ITGA2: variants seen among roughly 807,000 people sequenced by gnomAD.
ITGA2 encodes the protein integrin subunit alpha 2.
A neutral mutation model predicts 146.3 loss-of-function variants in ITGA2; 101 were observed. The ratio of observed to expected loss-of-function variants is 0.69; its 90% CI spans 0.59 to 0.81. The LOEUF (loss-of-function observed/expected upper bound fraction) is 0.81, where lower values mean the gene tolerates loss of function less well. Among genes scored for constraint, ITGA2 ranks in the 40% least tolerant of loss-of-function variants. ITGA2 has a pLI of 0.00. For synonymous variants in ITGA2, 477 were observed against 487.1 expected, an observed-to-expected ratio of 0.98 and a Z score of 0.27; for missense variants, 1,281 against 1,402.7, an observed-to-expected ratio of 0.91 and a Z score of 1.39.
At chr5:52,998,790 T>C (rs1479949094) in intron 1 of ITGA2, among the ~76,000 whole-genome samples, 1 of 152,218 alleles carries the variant, frequency 6.6e-6, no homozygotes, top group Non-Finnish European at 1.5e-5. Context: ...CTTGGCACCA[T>C]TTTATTCAAT....
rs561244391 is a variant in ITGA2, at chr5:53,026,415, T to G, written c.65-333T>G. On this transcript the variant is annotated intron_variant, in intron 1 of 29. Coordinates refer to ENST00000296585, the MANE Select transcript of ITGA2 (RefSeq NM_002203.4). ...AGTTGTTTTAAGTCTTGTGTTCAAA[T>G]TTTGTCTTCATCCTTTCCTCTTTCC... Among the ~76,000 whole-genome samples the G allele has an allele frequency of 2.6e-5, 4 of 152,286 alleles. No homozygotes were observed. The South Asian group carries it at 8.3e-4, about 32-fold the overall frequency.
chr5:53,071,913 T>G, intron 17 of ITGA2, 25 bp from the exon 18 acceptor site: 1 of 1,516,282 alleles, frequency 6.6e-7, no homozygotes, highest in Non-Finnish European at 9.2e-7. Context: ...TCTCCCCCTG[T>G]ATGTTTGTGT....
At chr5:53,068,468 G>T (rs1400834316) in intron 16 of ITGA2, among the ~76,000 whole-genome samples, 2 of 151,792 alleles carry the variant, frequency 1.3e-5, no homozygotes, top group East Asian at 3.9e-4. Flanking sequence ...AGCTCTTCTG[G>T]CCCCGAAGCA....
chr5:53,058,935 C>T (rs972928917), intron 10 of ITGA2, among the ~76,000 whole-genome samples: 2 of 151,884 alleles, frequency 1.3e-5, no homozygotes, highest in Admixed American at 6.6e-5. Flanking sequence ...CGCTGAAGTC[C>T]TTTCATGCAC....
At chr5:53,045,136 C>T (rs1744013690) in intron 4 of ITGA2, 44 bp downstream of exon 4, 1 of 1,412,886 alleles carries the variant, frequency 7.1e-7, no homozygotes, top group Non-Finnish European at 1.0e-6. Flanking sequence ...CAAGAAAGTA[C>T]ATAGACAGTA....
At chr5:53,076,511 C>T (rs1362351277) in intron 23 of ITGA2, among the ~76,000 whole-genome samples, 1 of 152,036 alleles carries the variant, frequency 6.6e-6, no homozygotes, top group African/African-American at 2.4e-5. Context: ...TCAGTAACTG[C>T]AGACTTCAAA....
At chr5:53,022,393 T>C (rs1222542528) in intron 1 of ITGA2, among the ~76,000 whole-genome samples, 4 of 152,178 alleles carry the variant, frequency 2.6e-5, no homozygotes, top group African/African-American at 9.6e-5. Flanking sequence ...AAAAGTAGGT[T>C]AACTATATCA....
intron 3 of ITGA2, among the ~76,000 whole-genome samples, chr5:53,044,351 G>GAA (rs1394405844): frequency 6.9e-6 from 1 of 144,746 alleles, no homozygotes; most frequent in African/African-American, 2.6e-5. Flanking sequence ...ATAAGGGAAG[G>GAA]AATCCAATTA....
Position 53,093,712 on chromosome 5 carries a change from G to C in ITGA2, c.*3113G>C, listed in dbSNP as rs886060686. 6.6e-6 allele frequency: 1 copy of C among 152,320 alleles called. No individual in the cohort carries two copies. The highest frequency in any genetic ancestry group is 6.5e-5 in the Admixed American group (1 of 15,276). The allele number at this position is 152,320 out of a possible 1,614,324, so 9.4% of individuals were successfully genotyped here. ...ATTCAACAATATTTTTGCTTTAAAAGTAAGTAGAGGGCATAAAAGATGTCA... is the reference window on the plus strand; with the variant it reads ...ATTCAACAATATTTTTGCTTTAAAACTAAGTAGAGGGCATAAAAGATGTCA... On this transcript the variant is annotated 3_prime_UTR_variant, in exon 30 of 30. Coordinates refer to ENST00000296585, the MANE Select transcript of ITGA2 (RefSeq NM_002203.4).
intron 1 of ITGA2, among the ~76,000 whole-genome samples, chr5:53,002,563 G>T (rs1019388086): frequency 6.6e-6 from 1 of 152,016 alleles, no homozygotes; most frequent in Non-Finnish European, 1.5e-5. Context: ...TAACTTTAAT[G>T]CATCCTGCCA....
chr5:53,019,711 A>G (rs565735008), intron 1 of ITGA2, among the ~76,000 whole-genome samples: 59 of 151,978 alleles, frequency 3.9e-4, no homozygotes, highest in Non-Finnish European at 7.6e-4. Context: ...TTTTTAGTAG[A>G]GATGTGGTTT....
chr5:53,061,238 CT>C (rs1458335106), intron 12 of ITGA2, among the ~76,000 whole-genome samples, 192 bp downstream of exon 12: 1 of 151,876 alleles, frequency 6.6e-6, no homozygotes, highest in African/African-American at 2.4e-5. Context: ...CTTTTGACAA[CT>C]TACTGGGAAT....
chr5:53,074,386 T>C lies in ITGA2; in HGVS notation c.2573T>C (p.Val858Ala), dbSNP rs1227520282. 1 of 1,611,824 alleles carries C rather than the reference T, an allele frequency of 6.2e-7. No individual in the cohort carries two copies. Among genetic ancestry groups the C allele is most frequent in the East Asian group, 2.2e-5 (1 of 44,790 alleles). ...TGTTGTTTCCTTGGTCTTGTTCAGG[T>C]TGATGGGACAGAAGTAACATGCCAG... is the stretch of plus-strand genomic sequence containing the variant. ...NLFFASFSLP[V>A]DGTEVTCQVA... The change falls in exon 21 of 30, where the codon GTT becomes GCT. Residue 858 changes from valine (V) to alanine (A), a missense_variant and splice_region_variant. Coordinates refer to ENST00000296585, the MANE Select transcript of ITGA2 (RefSeq NM_002203.4).
chr5:53,057,501 A>G (rs1207634370), intron 9 of ITGA2, among the ~76,000 whole-genome samples: 1 of 151,898 alleles, frequency 6.6e-6, no homozygotes, highest in East Asian at 1.9e-4. Flanking sequence ...TAAAATTCCT[A>G]CTCAGTCTTG....
chr5:53,031,517 G>A (rs899215354), intron 2 of ITGA2, among the ~76,000 whole-genome samples: 1 of 152,122 alleles, frequency 6.6e-6, no homozygotes, highest in African/African-American at 2.4e-5. Context: ...TTTTAGCTCT[G>A]TCATGTGTGC....
rs917545444 is a variant in ITGA2, at chr5:53,048,661, A to T, written c.521A>T (p.Asp174Val). Residue 174 changes from aspartate (D) to valine (V), a missense_variant, in exon 6 of 30, where the codon GAT becomes GTT. Asp to Val is a radical substitution (Grantham distance 152, BLOSUM62 -3). This residue lies in a region of ITGA2 where 795 missense variants were observed against 841.7 expected (regional missense o/e 0.94). Transcript: ENST00000296585. ...PATQPCPSLI[D>V]VVVVCDESNS... ...TGTGTAGCCTGCCCTTCCCTCATAG[A>T]TGTTGTGGTTGTGTGTGATGAATCA... 1 of 1,613,904 alleles carries T rather than the reference A, an allele frequency of 6.2e-7. No individual in the cohort carries two copies. Among genetic ancestry groups the T allele is most frequent in the Non-Finnish European group, 8.5e-7 (1 of 1,179,944 alleles).
At chr5:53,077,382 TA>T (rs3212599) in intron 23 of ITGA2, among the ~76,000 whole-genome samples, 4 of 151,746 alleles carry the variant, frequency 2.6e-5, no homozygotes, top group South Asian at 2.1e-4. Flanking sequence ...AGTTATATTG[TA>T]AAAAAAATGA....
rs143880458 is a variant in ITGA2, at chr5:53,078,827, G to A, written c.2881G>A (p.Val961Met). ...TTCGGATGGGAATGTTCCTTCAATC[G>A]TGCACAGTTTTGAAGATGTTGGTCC... ...ISSDGNVPSI[V>M]HSFEDVGPKF... Residue 961 changes from valine to methionine, a missense_variant, in exon 24 of 30, where the codon GTG becomes ATG. By Grantham distance (21) the Val-to-Met change is conservative. Coordinates refer to ENST00000296585, the MANE Select transcript of ITGA2 (RefSeq NM_002203.4). The A allele has an allele frequency of 4.1e-5, 66 of 1,611,724 alleles. No homozygotes were observed. Among genetic ancestry groups the A allele is most frequent in the African/African-American group, 3.7e-4 (28 of 74,778 alleles).
intron 14 of ITGA2, among the ~76,000 whole-genome samples, chr5:53,065,317 A>G (rs922234646): frequency 1.3e-5 from 2 of 152,002 alleles, no homozygotes; most frequent in Non-Finnish European, 2.9e-5. Context: ...GACAGACACA[A>G]TTCTGATCTT....
Sources: gnomAD v4.1 joint callset for allele counts (sites outside exome capture counted in the v4.1 genomes callset) on GRCh38, gnomAD v4.1.1 for gene constraint, gnomAD v4.1.1 regional missense constraint, MANE v1.5 for transcripts, NCBI Gene and HGNC (gene_info 2026-07-23, HGNC 2026-07-21) for gene names.